SLC12A5: variants seen among roughly 807,000 people sequenced by gnomAD.
The protein encoded by SLC12A5 is solute carrier family 12 member 5.
In SLC12A5, 18 loss-of-function variants were observed where a neutral mutation model predicts 124.0. The observed-to-expected ratio is 0.15, with a 90% confidence interval of 0.10 to 0.22. The LOEUF is 0.22. Among genes scored for constraint, SLC12A5 ranks in the 10% least tolerant of loss-of-function variants. The pLI, the probability that SLC12A5 is intolerant of heterozygous loss-of-function variation, is 1.00. For synonymous variants in SLC12A5, 589 were observed against 568.0 expected (o/e 1.04, Z -0.53); for missense variants, 867 against 1,478.7 (o/e 0.59, Z 6.78).
chr20:46,042,736 T>A (rs1001127544), intron 8 of SLC12A5, among the ~76,000 whole-genome samples: 5 of 151,910 alleles, frequency 3.3e-5, no homozygotes, highest in Non-Finnish European at 5.9e-5. Context: ...GGAGGTGGTA[T>A]TGAAGTTGGG....
intron 18 of SLC12A5, 25 bp downstream of exon 18, chr20:46,051,895 A>G (rs756511567): frequency 4.0e-5 from 24 of 598,758 alleles, no homozygotes; most frequent in Non-Finnish European, 2.7e-6. Flanking sequence ...GGCTGGGGAC[A>G]GAAGAGGGGT....
intron 21 of SLC12A5, chr20:46,055,717 G>A: frequency 5.4e-6 from 1 of 185,776 alleles, no homozygotes; most frequent in Non-Finnish European, 1.1e-5. Context: ...TCCCAGGGGT[G>A]GGTAATGTAT....
chr20:46,031,971 C>T (rs1568857006), intron 1 of SLC12A5, among the ~76,000 whole-genome samples: 1 of 152,238 alleles, frequency 6.6e-6, no homozygotes, highest in Non-Finnish European at 1.5e-5. Flanking sequence ...GCCTGGCGTT[C>T]AGGGAGGGGA....
Position 46,057,617 on chromosome 20 carries a change from T to G in SLC12A5, c.*12T>G. The G allele has an allele frequency of 2.5e-6, 4 of 1,606,630 alleles. No individual in the cohort carries two copies. Among genetic ancestry groups the G allele is most frequent in the Non-Finnish European group, 3.4e-6 (4 of 1,175,504 alleles). ...CCATCTACTCCTGAGAACCAGGACC[T>G]GCCACCCGGGCCCGAGCGCGCCCGG... On this transcript the variant is annotated 3_prime_UTR_variant, in exon 26 of 26. Transcript: ENST00000243964. This position sits in a 1 kb window ranked among gnomAD's most constrained non-coding sequence, Gnocchi z 7.1.
Position 46,056,024 on chromosome 20 carries a change from T to C in SLC12A5, c.2788-126T>C, listed in dbSNP as rs1046544451. ...GCTATTTGGTCTCAAATCATAGCAATATTTTAACAACTGGTACAGTTCCAG... is the reference window on the plus strand; with the variant it reads ...GCTATTTGGTCTCAAATCATAGCAACATTTTAACAACTGGTACAGTTCCAG... On this transcript the variant is annotated intron_variant, in intron 21 of 25. Transcript: ENST00000243964. The surrounding 1 kb of genome is among the most constrained non-coding windows in gnomAD (Gnocchi z 4.3). 11 of 1,344,372 alleles carry C rather than the reference T, an allele frequency of 8.2e-6. No homozygotes were observed. The highest frequency in any genetic ancestry group is 2.4e-5 in the Admixed American group (1 of 41,458). 83.3% of individuals were successfully genotyped at this position (1,344,372 alleles called of 1,614,324 possible). A position where few individuals can be genotyped will look rare whatever the true frequency, so the allele number is the denominator to read the frequency against.
intron 4 of SLC12A5, chr20:46,036,533 C>CT: frequency 2.1e-6 from 1 of 472,224 alleles, no homozygotes; most frequent in Non-Finnish European, 3.9e-6. Flanking sequence ...CTGTGGCTTG[C>CT]TTGGGCTCCT....
Position 46,056,756 on chromosome 20 carries a change from G to T in SLC12A5, c.3111-141G>T. 1 of 1,153,712 alleles carries T rather than the reference G, an allele frequency of 8.7e-7. No individual in the cohort carries two copies. 71.5% of individuals were successfully genotyped at this position (1,153,712 alleles called of 1,614,324 possible). On this transcript the variant is annotated intron_variant, in intron 23 of 25. Transcript: ENST00000243964. The surrounding 1 kb of genome is among the most constrained non-coding windows in gnomAD (Gnocchi z 4.3). ...CTAAGTCTCAGAATTCCCAGTTGCA[G>T]GCAGCGGAAAGGTGAAGGGTGTGGG...
chr20:46,056,268 A>T lies in SLC12A5; in HGVS notation c.2906A>T (p.Glu969Val), dbSNP rs750111103. The stretch of plus-strand genomic sequence containing the variant: ...GGTGACAGTGAAGAGAAGCCAGAGG[A>T]GGAGGTGTGCAGCTTGGGTGGTTTG... Reference protein sequence around the residue: ...TAGDSEEKPEEEVQLIHDQSA... With the variant: ...TAGDSEEKPEVEVQLIHDQSA... Residue 969 changes from glutamate (E) to valine (V), a missense_variant, in exon 22 of 26, where the codon GAG becomes GTG. By Grantham distance (121) the Glu-to-Val change is moderately radical (BLOSUM62 -2). Around this residue, in one of 9 missense-constraint regions of SLC12A5, gnomAD observed 180 missense variants for 243.6 expected, o/e 0.74. Coordinates refer to ENST00000243964, the MANE Select transcript of SLC12A5 (RefSeq NM_020708.5). The surrounding 1 kb of genome is among the most constrained non-coding windows in gnomAD (Gnocchi z 4.3). 1 of 1,614,156 alleles carries T rather than the reference A, an allele frequency of 6.2e-7. No individual in the cohort carries two copies. The highest frequency in any genetic ancestry group is 8.5e-7 in the Non-Finnish European group (1 of 1,179,998).
In SLC12A5 at chr20:46,056,580, C is replaced by A. The variant is rs1265618484; in HGVS notation, c.3110+16C>A. 6.2e-7 allele frequency: 1 copy of A among 1,610,210 alleles called. No homozygotes were observed. On this transcript the variant is annotated intron_variant, in intron 23 of 25. Coordinates refer to ENST00000243964, the MANE Select transcript of SLC12A5 (RefSeq NM_020708.5). This position sits in a 1 kb window ranked among gnomAD's most constrained non-coding sequence, Gnocchi z 4.3. ...GCATGAAGCCGTACGGGCCTGGGGG[C>A]TAAGGGCTGGGGGCTGGGGTGAGCT... is the stretch of plus-strand genomic sequence containing the variant.
At position 46,035,395 on chromosome 20, in the gene SLC12A5, C is replaced by A. The variant is rs2084488464; in HGVS notation, c.148-9C>A. On this transcript the variant is annotated splice_polypyrimidine_tract_variant and intron_variant, in intron 2 of 25. Coordinates refer to ENST00000243964, the MANE Select transcript of SLC12A5 (RefSeq NM_020708.5). ...CCAGCCTCCTAGCACTGACACCCTCCCTCCATAGGAGGAGATGGACACCAG... is the reference window on the plus strand; with the variant it reads ...CCAGCCTCCTAGCACTGACACCCTCACTCCATAGGAGGAGATGGACACCAG... The A allele has an allele frequency of 2.5e-6, 4 of 1,608,414 alleles. No individual in the cohort carries two copies. Among genetic ancestry groups the A allele is most frequent in the Non-Finnish European group, 3.4e-6 (4 of 1,176,586 alleles).
intron 1 of SLC12A5, chr20:46,022,119 A>C (rs1451832255): frequency 1.7e-4 from 13 of 76,942 alleles, no homozygotes; most frequent in East Asian, 3.0e-4. Flanking sequence ...CACGAGGGAA[A>C]GGGGTGGGGC....
At chr20:46,051,352 A>G (rs144862210) in intron 17 of SLC12A5, among the ~76,000 whole-genome samples, 116 of 152,280 alleles carry the variant, frequency 7.6e-4, no homozygotes, top group Non-Finnish European at 1.5e-3. Context: ...TGGGCCAGAC[A>G]GGGTGTCATG....
chr20:46,048,051 C>CTGGAGG lies in SLC12A5; in HGVS notation c.1979_1984dup (p.Glu661_Glu662insValGlu). 6.2e-7 allele frequency: 1 copy of CTGGAGG among 1,612,752 alleles called. No homozygotes were observed. The highest frequency in any genetic ancestry group is 8.5e-7 in the Non-Finnish European group (1 of 1,179,382). On this transcript the variant is annotated inframe_insertion, in exon 16 of 26. Coordinates refer to ENST00000243964, the MANE Select transcript of SLC12A5 (RefSeq NM_020708.5). ...TGCGGCTCGCTATGCCCTCTTACGC[C>CTGGAGG]TGGAGGAAGGGCCCCCACACACCAA... is the stretch of plus-strand genomic sequence containing the variant.
intron 5 of SLC12A5, 53 bp downstream of exon 5, chr20:46,036,848 T>C (rs1467209277): frequency 6.2e-7 from 1 of 1,603,390 alleles, no homozygotes; most frequent in Admixed American, 1.7e-5. Context: ...GAAGGAGGGA[T>C]AGTGCCCTGG....
At position 46,059,587 on chromosome 20, in the gene SLC12A5, A is replaced by C; in HGVS notation, c.*1982A>C. 5.0e-6 allele frequency: 2 copies of C among 399,102 alleles called. No individual in the cohort carries two copies. The highest frequency in any genetic ancestry group is 8.8e-6 in the Non-Finnish European group (2 of 226,082). 24.7% of individuals were successfully genotyped at this position (399,102 alleles called of 1,614,324 possible). On this transcript the variant is annotated 3_prime_UTR_variant, in exon 26 of 26. Transcript: ENST00000243964. Reference sequence around the variant, plus strand: ...TCAATTAGGGAACCAAAGTTGCACTATCTGGGCCCAGATTGTCTGGTTGGC... The same window carrying C: ...TCAATTAGGGAACCAAAGTTGCACTCTCTGGGCCCAGATTGTCTGGTTGGC...
chr20:46,057,542 G>A lies in SLC12A5; in HGVS notation c.3288G>A (p.Glu1096=). ...NYMEFLEVLT[E]HLDRVMLVRG... is the part of the protein sequence containing the mutation. ...TGGAGTTTCTCGAGGTCCTCACAGAGCACCTGGACCGGGTGATGCTGGTCC... is the reference window on the plus strand; with the variant it reads ...TGGAGTTTCTCGAGGTCCTCACAGAACACCTGGACCGGGTGATGCTGGTCC... Residue 1096 remains glutamate, a synonymous_variant, in exon 26 of 26, where the codon GAG becomes GAA. Transcript: ENST00000243964. This position sits in a 1 kb window ranked among gnomAD's most constrained non-coding sequence, Gnocchi z 7.1. The A allele has an allele frequency of 4.3e-6, 7 of 1,614,148 alleles. No homozygotes were observed. Among genetic ancestry groups the A allele is most frequent in the Non-Finnish European group, 5.9e-6 (7 of 1,180,038 alleles).
Position 46,059,435 on chromosome 20 carries a change from T to TA in SLC12A5, c.*1831dup, listed in dbSNP as rs2084731117. On this transcript the variant is annotated 3_prime_UTR_variant, in exon 26 of 26. Transcript: ENST00000243964. ...TACTCAATCAGGAAGCTGGAGGTGT[T>TA]AGACACCAGCCCCCTGCATCCTTCA... The TA allele has an allele frequency of 7.5e-6, 3 of 397,358 alleles. No homozygotes were observed. The highest frequency in any genetic ancestry group is 3.6e-5 in the East Asian group (1 of 28,040). The allele number at this position is 397,358 out of a possible 1,614,324, so 24.6% of individuals were successfully genotyped here. A position where few individuals can be genotyped will look rare whatever the true frequency, so the allele number is the denominator to read the frequency against.
At chr20:46,044,864 C>A in intron 11 of SLC12A5, 102 bp from the exon 12 acceptor site, 1 of 1,319,728 alleles carries the variant, frequency 7.6e-7, no homozygotes, top group Non-Finnish European at 1.1e-6. Flanking sequence ...AGAACTTAGT[C>A]CTGTGGCAGG....
chr20:46,051,562 T>G (rs1308247284), intron 17 of SLC12A5, 113 bp from the exon 18 acceptor site: 1 of 994,852 alleles, frequency 1.0e-6, no homozygotes, highest in African/African-American at 1.7e-5. Context: ...GAGCTGAGCT[T>G]CAGGAAGATT....
Sources: gnomAD v4.1 joint callset for allele counts (sites outside exome capture counted in the v4.1 genomes callset) on GRCh38, gnomAD v4.1.1 for gene constraint, gnomAD v4.1.1 regional missense constraint, Gnocchi (gnomAD v3.1) non-coding constraint, MANE v1.5 for transcripts, NCBI Gene and HGNC (gene_info 2026-07-23, HGNC 2026-07-21) for gene names.